Variants in BET1 observed in about 807,000 individuals in gnomAD.
BET1 encodes Bet1 golgi vesicular membrane trafficking protein.
Under a neutral mutation model 13.9 loss-of-function variants are expected in BET1, and 9 were observed. The ratio of observed to expected loss-of-function variants is 0.65; its 90% CI spans 0.39 to 1.13. The LOEUF is 1.13. Among genes scored for constraint, BET1 ranks in the 50% most tolerant of loss-of-function variants. The pLI, the probability that BET1 is intolerant of heterozygous loss-of-function variation, is 0.01. For synonymous variants in BET1, 39 were observed against 47.3 expected, an observed-to-expected ratio of 0.82 and a Z score of 0.72; for missense variants, 127 against 133.6, an observed-to-expected ratio of 0.95 and a Z score of 0.24.
At chr7:94,000,048 T>C (rs1357409577) in intron 1 of BET1, among the ~76,000 whole-genome samples, 2 of 151,926 alleles carry the variant, frequency 1.3e-5, no homozygotes, top group African/African-American at 4.8e-5. Flanking sequence ...TGAATACATA[T>C]ATAAATATGT....
chr7:93,975,775 T>C lies in BET1; in HGVS notation c.*48+129A>G, dbSNP rs74617857. ...AATGGGTATAGGTGGAAAATGCTAC[T>C]TTCTCTTGAGTAATTGAAGAATGTC... is the stretch of plus-strand genomic sequence containing the variant. On this transcript the variant is annotated intron_variant and NMD_transcript_variant, in intron 5 of 6. Transcript: ENST00000357520. 863 of 364,116 alleles carry C rather than the reference T, an allele frequency of 2.4e-3. 12 individuals carry two copies. Among genetic ancestry groups the C allele is most frequent in the African/African-American group, 0.017 (776 of 46,908 alleles). 22.6% of individuals were successfully genotyped at this position (364,116 alleles called of 1,614,324 possible).
chr7:93,994,531 T>C, intron 3 of BET1, 146 bp from the exon 4 acceptor site: 1 of 892,316 alleles, frequency 1.1e-6, no homozygotes, highest in Non-Finnish European at 1.6e-6. Context: ...TTGATAACCT[T>C]GGATAATCAG....
chr7:93,986,932 G>A (rs918458685), intron 4 of BET1, among the ~76,000 whole-genome samples: 4 of 152,028 alleles, frequency 2.6e-5, no homozygotes, highest in East Asian at 1.9e-4. Flanking sequence ...TGCTATACAG[G>A]TTTGTAGCCT....
chr7:93,992,415 C>G, downstream of BET1: 1 of 985,372 alleles, frequency 1.0e-6, no homozygotes, highest in Non-Finnish European at 1.2e-6. Context: ...TCCTCTACTT[C>G]CATTGTTGAT....
rs189482640 is a variant in BET1, at chr7:93,996,816, C to T, written c.145-495G>A. Among the ~76,000 whole-genome samples the T allele has an allele frequency of 2.8e-3, 421 of 151,522 alleles. 2 individuals carry two copies. The highest frequency in any genetic ancestry group is 4.1e-3 in the Non-Finnish European group (278 of 67,782). On this transcript the variant is annotated intron_variant, in intron 2 of 3. Coordinates refer to ENST00000222547, the MANE Select transcript of BET1 (RefSeq NM_005868.6). ...CATGGATTTGTTGTACGGATTATTT[C>T]GTCAACCAAGAATTAAGCCTAGTAC...
chr7:93,987,543 G>A (rs1051376320), intron 4 of BET1, among the ~76,000 whole-genome samples: 3 of 152,094 alleles, frequency 2.0e-5, no homozygotes, highest in African/African-American at 4.8e-5. Context: ...TAATTTCTAG[G>A]TGGGGGAGAG....
chr7:93,998,448 C>T (rs544796343), intron 2 of BET1, among the ~76,000 whole-genome samples: 2 of 151,358 alleles, frequency 1.3e-5, no homozygotes, highest in Middle Eastern at 7.2e-3. Context: ...CCTATAATCC[C>T]AGCACTTTGG....
At chr7:93,981,802 G>A (rs780703253) in intron 4 of BET1, among the ~76,000 whole-genome samples, 1 of 152,166 alleles carries the variant, frequency 6.6e-6, no homozygotes, top group Non-Finnish European at 1.5e-5. Context: ...TCTGGTGATG[G>A]AGCAGACATT....
chr7:93,997,460 G>C (rs746412528), intron 2 of BET1, among the ~76,000 whole-genome samples: 1 of 152,136 alleles, frequency 6.6e-6, no homozygotes, highest in Non-Finnish European at 1.5e-5. Context: ...CATTGGGGGG[G>C]TTTTTAAAGG....
Position 93,993,901 on chromosome 7 carries a change from G to C in BET1, c.*329C>G. 6.5e-7 allele frequency: 1 copy of C among 1,535,532 alleles called. No homozygotes were observed. ...CTCTCCCACTAAGTTTCCTTACATG[G>C]GACATAAACCTGCATTTATGATTAC... On this transcript the variant is annotated 3_prime_UTR_variant, in exon 4 of 4. Transcript: ENST00000222547.
chr7:93,984,829 T>G (rs1795495696), intron 4 of BET1, among the ~76,000 whole-genome samples: 1 of 152,188 alleles, frequency 6.6e-6, no homozygotes, highest in South Asian at 2.1e-4. Flanking sequence ...AACTTAGTCA[T>G]GTATTAGTAC....
At chr7:93,978,269 A>T (rs1333772710) in intron 4 of BET1, among the ~76,000 whole-genome samples, 1 of 152,064 alleles carries the variant, frequency 6.6e-6, no homozygotes, top group Non-Finnish European at 1.5e-5. Flanking sequence ...GGGTTTTGCT[A>T]TGTGGCCCAG....
At chr7:93,996,046 T>C in intron 3 of BET1, 1 of 528,934 alleles carries the variant, frequency 1.9e-6, no homozygotes, top group East Asian at 3.3e-5. Flanking sequence ...TAAAGATATA[T>C]TGGCTTCCAC....
intron 6 of BET1, among the ~76,000 whole-genome samples, chr7:93,970,792 T>C (rs563416027): frequency 6.6e-6 from 1 of 151,984 alleles, no homozygotes; most frequent in African/African-American, 2.4e-5. Context: ...CTCAAACTTA[T>C]TAATTCGATT....
chr7:93,989,707 G>C (rs1394416844), downstream of BET1, among the ~76,000 whole-genome samples: 1 of 152,076 alleles, frequency 6.6e-6, no homozygotes, highest in African/African-American at 2.4e-5. Flanking sequence ...GTGGAAATAG[G>C]GTTTATGGCA....
In BET1 at chr7:93,994,243, A is replaced by G; in HGVS notation, c.344T>C (p.Ile115Thr). 1 of 1,605,838 alleles carries G rather than the reference A, an allele frequency of 6.2e-7. No homozygotes were observed. Among genetic ancestry groups the G allele is most frequent in the Non-Finnish European group, 8.5e-7 (1 of 1,176,834 alleles). ...LFVFFIIYWI[I>T]KLR ...CAATTACATGCATCACCTCAGTTTA[A>G]TAATCCAATAAATGATAAAAAAGAC... The change falls in exon 4 of 4, where the codon ATT (isoleucine) becomes ACT (threonine). Residue 115 changes from isoleucine to threonine, a missense_variant. By Grantham distance (89) the Ile-to-Thr change is moderately conservative (BLOSUM62 -1). Coordinates refer to ENST00000222547, the MANE Select transcript of BET1 (RefSeq NM_005868.6).
At chr7:93,971,706 A>T (rs1795261010) in intron 6 of BET1, among the ~76,000 whole-genome samples, 1 of 151,610 alleles carries the variant, frequency 6.6e-6, no homozygotes, top group Non-Finnish European at 1.5e-5. Context: ...CACTCTCCAA[A>T]GTGTCTCGGT....
chr7:93,971,803 A>G (rs1026871896), intron 6 of BET1, among the ~76,000 whole-genome samples: 1 of 151,756 alleles, frequency 6.6e-6, no homozygotes, highest in Non-Finnish European at 1.5e-5. Context: ...ATTACTAATG[A>G]GATTTAACTA....
intron 4 of BET1, among the ~76,000 whole-genome samples, chr7:93,981,525 C>G (rs941094523): frequency 6.6e-6 from 1 of 152,142 alleles, no homozygotes; most frequent in Non-Finnish European, 1.5e-5. Context: ...AAAACAGCAG[C>G]AAGGCAGAGA....
Sources: allele counts gnomAD v4.1 joint callset (sites outside exome capture counted in the v4.1 genomes callset), GRCh38; gene constraint gnomAD v4.1.1; transcripts MANE v1.5; gene names NCBI Gene and HGNC (gene_info 2026-07-23, HGNC 2026-07-21).